The following KLC1 variants were observed in gnomAD, a reference collection of about 807,000 sequenced individuals.
KLC1 encodes kinesin light chain 1.
KLC1 carries 30 observed loss-of-function variants against 84.2 expected under a neutral mutation model. The ratio of observed to expected loss-of-function variants is 0.36; its 90% confidence interval spans 0.27 to 0.48. The LOEUF (loss-of-function observed/expected upper bound fraction) is 0.48. KLC1 is among the 20% of genes least tolerant of loss of function. The pLI, the probability that KLC1 is intolerant of heterozygous loss-of-function variation, is 0.99. For synonymous variants in KLC1, 289 were observed against 293.3 expected, an observed-to-expected ratio of 0.99 and a Z score of 0.15; for missense variants, 499 against 805.4, an observed-to-expected ratio of 0.62 and a Z score of 4.60.
intron 2 of KLC1, among the ~76,000 whole-genome samples, chr14:103,657,341 C>T (rs956989978): frequency 2.0e-5 from 3 of 152,076 alleles, no homozygotes; most frequent in Admixed American, 1.3e-4. Context: ...GCATTCTGAG[C>T]GTGTGATATT....
intron 15 of KLC1, chr14:103,698,633 T>G: frequency 1.5e-6 from 1 of 685,620 alleles, no homozygotes; most frequent in South Asian, 1.7e-5. Context: ...TGGGGGTCAG[T>G]CTGTGGCCAC....
chr14:103,650,316 A>T (rs946389466), intron 1 of KLC1, among the ~76,000 whole-genome samples: 1 of 152,092 alleles, frequency 6.6e-6, no homozygotes, highest in South Asian at 2.1e-4. Context: ...GGTGAGAAGA[A>T]GATGCATTAG....
At chr14:103,648,226 G>T in intron 1 of KLC1, among the ~76,000 whole-genome samples, 1 of 152,148 alleles carries the variant, frequency 6.6e-6, no homozygotes. Flanking sequence ...TGGGATTACA[G>T]GCGTGAGCCA....
At chr14:103,668,764 C>T (rs1281388876) in intron 5 of KLC1, among the ~76,000 whole-genome samples, 1 of 151,334 alleles carries the variant, frequency 6.6e-6, no homozygotes, top group Non-Finnish European at 1.5e-5. Context: ...CAGGCGTGAG[C>T]CACCACACCC....
intron 1 of KLC1, among the ~76,000 whole-genome samples, chr14:103,643,630 A>C (rs1007653251): frequency 2.6e-5 from 4 of 152,158 alleles, no homozygotes; most frequent in African/African-American, 9.7e-5. Flanking sequence ...AGATACATTT[A>C]AGAAATACAT....
chr14:103,692,980 G>T (rs1209812194), intron 15 of KLC1, among the ~76,000 whole-genome samples: 2 of 152,222 alleles, frequency 1.3e-5, no homozygotes. Context: ...GAGGCCGTTT[G>T]AGTTTTCATC....
At chr14:103,658,084 A>C (rs2078957255) in intron 3 of KLC1, among the ~76,000 whole-genome samples, 1 of 151,444 alleles carries the variant, frequency 6.6e-6, no homozygotes, top group Non-Finnish European at 1.5e-5. Context: ...CTGAATTTGG[A>C]CTCTGGGCAA....
chr14:103,686,968 A>G, intron 13 of KLC1, 113 bp from the exon 14 acceptor site: 1 of 622,362 alleles, frequency 1.6e-6, no homozygotes, highest in Non-Finnish European at 2.8e-6. Flanking sequence ...GTCAGCAGTG[A>G]GCTGCTGGCA....
At chr14:103,645,502 G>A (rs1203428066) in intron 1 of KLC1, among the ~76,000 whole-genome samples, 1 of 152,174 alleles carries the variant, frequency 6.6e-6, no homozygotes, top group African/African-American at 2.4e-5. Flanking sequence ...TTGTGTGTGT[G>A]TTATGCTGAA....
chr14:103,699,310 C>T lies in KLC1; in HGVS notation c.1849-1345C>T, dbSNP rs150986165. 5.6e-4 allele frequency: 874 copies of T among 1,552,214 alleles called. 1 individual carries two copies. Among genetic ancestry groups the T allele is most frequent in the Admixed American group, 1.3e-3 (69 of 51,404 alleles). On this transcript the variant is annotated intron_variant, in intron 15 of 16. Transcript: ENST00000334553. The stretch of plus-strand genomic sequence containing the variant: ...CCCACCTCCAGACCGGCTCTGCTTC[C>T]GCATCCTGGCTAAAAATACGAGCTC...
intron 15 of KLC1, chr14:103,699,322 A>G (rs546723375): frequency 9.0e-6 from 14 of 1,560,802 alleles, no homozygotes; most frequent in Middle Eastern, 1.8e-4. Context: ...CATCCTGGCT[A>G]AAAATACGAG....
In KLC1 at chr14:103,684,872, C is replaced by T. The variant is rs1050618090; in HGVS notation, c.1651-2209C>T. On this transcript the variant is annotated intron_variant, in intron 13 of 16. Transcript: ENST00000334553. ...ACAGCAGGGGCTGCACTGTTAATGA[C>T]GATACGTTAGCATTTTAGCATCCTT... 1.6e-5 allele frequency: 11 copies of T among 700,318 alleles called. No homozygotes were observed. In the East Asian group the frequency reaches 1.9e-4, roughly 12 times the overall value. The allele number at this position is 700,318 out of a possible 1,614,324, so 43.4% of individuals were successfully genotyped here.
chr14:103,676,810 G>A (rs1299667830), intron 11 of KLC1, among the ~76,000 whole-genome samples: 1 of 152,172 alleles, frequency 6.6e-6, no homozygotes, highest in African/African-American at 2.4e-5. Context: ...TAGTAAGTCT[G>A]CTCTATCAAG....
intron 5 of KLC1, among the ~76,000 whole-genome samples, chr14:103,663,340 A>G (rs1238807702): frequency 6.6e-6 from 1 of 152,114 alleles, no homozygotes; most frequent in Non-Finnish European, 1.5e-5. Flanking sequence ...TCAGCCTCCC[A>G]AAACGCTGGG....
intron 3 of KLC1, among the ~76,000 whole-genome samples, chr14:103,660,284 C>G (rs1279439771): frequency 6.6e-6 from 1 of 151,974 alleles, no homozygotes; most frequent in East Asian, 1.9e-4. Context: ...AGTTGGAGGA[C>G]AGCCTGGCCA....
At chr14:103,662,017 T>C in intron 3 of KLC1, 99 bp from the exon 4 acceptor site, 1 of 800,204 alleles carries the variant, frequency 1.2e-6, no homozygotes, top group South Asian at 1.6e-5. Context: ...TCATCTTTTC[T>C]AAGATTCTTA....
At chr14:103,629,640 TCCCA>T (rs1443954817) in intron 1 of KLC1, 146 bp downstream of exon 1, 1 of 151,040 alleles carries the variant, frequency 6.6e-6, no homozygotes, top group Non-Finnish European at 1.5e-5. Flanking sequence ...CCCTCTCCGT[TCCCA>T]CCCCGGTACC....
At chr14:103,672,543 C>T (rs74085253) in intron 7 of KLC1, among the ~76,000 whole-genome samples, 363 of 152,240 alleles carry the variant, frequency 2.4e-3, no homozygotes, top group African/African-American at 8.5e-3. Context: ...AGGGAAGTCT[C>T]CTTTGAGGGG....
chr14:103,673,062 G>A lies in KLC1; in HGVS notation c.1036G>A (p.Ala346Thr). The A allele has an allele frequency of 3.1e-6, 5 of 1,613,948 alleles. No individual in the cohort carries two copies. The highest frequency in any genetic ancestry group is 4.2e-6 in the Non-Finnish European group (5 of 1,179,990). Residue 346 changes from alanine (A) to threonine (T), a missense_variant, in exon 8 of 17, where the codon GCC (alanine) becomes ACC (threonine). This residue lies in a region of KLC1 where 153 missense variants were observed against 332.4 expected (regional missense o/e 0.46). Coordinates refer to ENST00000334553, the MANE Select transcript of KLC1 (RefSeq NM_001394837.1). ...PDVAKQLNNL[A>T]LLCQNQGKYE... ...TGTTGCCAAGCAGTTAAATAACTTG[G>A]CCTTACTGTGCCAGAACCAGGGCAA...
Sources: gnomAD v4.1 joint callset for allele counts (sites outside exome capture counted in the v4.1 genomes callset) on GRCh38, gnomAD v4.1.1 for gene constraint, gnomAD v4.1.1 regional missense constraint, MANE v1.5 for transcripts, NCBI Gene and HGNC (gene_info 2026-07-23, HGNC 2026-07-21) for gene names.